DGKZ: variants seen among roughly 807,000 people sequenced by gnomAD.
The protein encoded by DGKZ is DAG kinase zeta.
Under a neutral mutation model 142.5 loss-of-function variants are expected in DGKZ, and 45 were observed. The ratio of observed to expected loss-of-function variants is 0.32; its 90% CI spans 0.25 to 0.40. The LOEUF (loss-of-function observed/expected upper bound fraction) is 0.40. Ranked by LOEUF, DGKZ falls within the 10% of genes least tolerant of loss-of-function variation. The probability of loss-of-function intolerance (pLI) is 1.00; values close to 1 mark genes in which losing one functional copy is unlikely to be tolerated. For synonymous variants in DGKZ, 442 were observed against 527.0 expected (o/e 0.84, Z 2.21); for missense variants, 755 against 1,306.5 (o/e 0.58, Z 6.51).
In DGKZ at chr11:46,374,251, C is replaced by A. The variant is rs762545435; in HGVS notation, c.1405+16C>A. ...GAGTCTCGAGGTTGGCAGCCTCCCA[C>A]TGAGGCCAGGGCAGGGTGGGCACAG... On this transcript the variant is annotated intron_variant, in intron 15 of 30. Coordinates refer to ENST00000527911, the Ensembl canonical transcript of DGKZ. 3.7e-6 allele frequency: 6 copies of A among 1,613,982 alleles called. No individual in the cohort carries two copies. The highest frequency in any genetic ancestry group is 5.1e-6 in the Non-Finnish European group (6 of 1,179,990).
At chr11:46,375,660 G>T in intron 20 of DGKZ, 29 bp downstream of exon 20, 1 of 1,535,104 alleles carries the variant, frequency 6.5e-7, no homozygotes, top group Non-Finnish European at 8.7e-7. Context: ...CGTGCCCTGG[G>T]TGCCAAGGCC....
exon 25 of DGKZ, chr11:46,377,141 G>A: frequency 6.2e-7 from 1 of 1,613,118 alleles, no homozygotes; most frequent in Non-Finnish European, 8.5e-7. Context: ...AGCTGCTGGG[G>A]GCATCGGCCC....
exon 31 of DGKZ, chr11:46,380,113 C>G: frequency 1.4e-6 from 1 of 700,056 alleles, no homozygotes; most frequent in African/African-American, 1.8e-5. Flanking sequence ...GGGCTGGACT[C>G]AGGAGCTGGG....
intron 1 of DGKZ, among the ~76,000 whole-genome samples, chr11:46,355,753 T>C (rs1476197266): frequency 6.6e-6 from 1 of 152,092 alleles, no homozygotes; most frequent in African/African-American, 2.4e-5. Context: ...ATTTTTTTTT[T>C]TTCTTTTTTT....
chr11:46,379,275 A>G, intron 29 of DGKZ, 39 bp downstream of exon 29: 1 of 1,612,188 alleles, frequency 6.2e-7, no homozygotes, highest in Non-Finnish European at 8.5e-7. Flanking sequence ...GTCACCCCGG[A>G]AACCACCCTT....
At chr11:46,366,855 G>A (rs1279450247) in intron 1 of DGKZ, 1 of 1,546,968 alleles carries the variant, frequency 6.5e-7, no homozygotes. Flanking sequence ...CCTGGCCCTG[G>A]GGGCCGAAGA....
chr11:46,370,031 C>T (rs1426132124), intron 6 of DGKZ, 22 bp downstream of exon 6: 3 of 1,613,342 alleles, frequency 1.9e-6, no homozygotes, highest in Non-Finnish European at 2.5e-6. Flanking sequence ...TGCCCGAGGA[C>T]ATCGCCACCT....
At chr11:46,360,279 TAGTA>T (rs1433875943) in intron 1 of DGKZ, among the ~76,000 whole-genome samples, 3 of 152,192 alleles carry the variant, frequency 2.0e-5, no homozygotes, top group Non-Finnish European at 1.5e-5. Flanking sequence ...TGTTTTAAGC[TAGTA>T]AGTATCTTAA....
intron 1 of DGKZ, among the ~76,000 whole-genome samples, chr11:46,359,269 C>T (rs1370955980): frequency 2.6e-5 from 4 of 151,842 alleles, no homozygotes; most frequent in South Asian, 2.1e-4. Flanking sequence ...GGTGAAACCC[C>T]GTCTCTACTA....
chr11:46,364,096 C>A (rs1942991097), intron 1 of DGKZ, among the ~76,000 whole-genome samples: 2 of 152,242 alleles, frequency 1.3e-5, no homozygotes, highest in African/African-American at 4.8e-5. Context: ...TATTCCCTAT[C>A]TGGTTCCCTT....
At chr11:46,369,760 T>C (rs1013447878) in intron 5 of DGKZ, 181 bp from the exon 6 acceptor site, 3 of 884,004 alleles carry the variant, frequency 3.4e-6, no homozygotes, top group Non-Finnish European at 5.3e-6. Context: ...CCCAGCCTTC[T>C]CTGTCCCTCT....
At position 46,372,496 on chromosome 11, in the gene DGKZ, A is replaced by G. The variant is rs764183178; in HGVS notation, c.996A>G (p.Gly332=). 1.7e-5 allele frequency: 28 copies of G among 1,613,810 alleles called. No individual in the cohort carries two copies. The highest frequency in any genetic ancestry group is 2.7e-5 in the African/African-American group (2 of 74,870). ...GACAAGTCTTCGACCTGAGCCAGGGAGGGCCCAAGGAGGCGTAAGTACTTG... is the reference window on the plus strand; with the variant it reads ...GACAAGTCTTCGACCTGAGCCAGGGGGGGCCCAAGGAGGCGTAAGTACTTG... The change falls in exon 11 of 31, where the codon GGA becomes GGG. Residue 332 remains glycine, a synonymous_variant. Coordinates refer to ENST00000527911, the Ensembl canonical transcript of DGKZ. This position sits in a 1 kb window ranked among gnomAD's most constrained non-coding sequence, Gnocchi z 5.9.
chr11:46,345,316 C>G, upstream of DGKZ: 1 of 1,382,668 alleles, frequency 7.2e-7, no homozygotes, highest in Non-Finnish European at 9.3e-7. The surrounding 1 kb of genome is among the most constrained non-coding windows in gnomAD (Gnocchi z 4.1). Context: ...GCCTGTGGTC[C>G]TCAGCTTGGG....
In DGKZ at chr11:46,366,951, C is replaced by T. The variant is rs1943378223; in HGVS notation, c.162-340C>T. On this transcript the variant is annotated intron_variant, in intron 1 of 30. Transcript: ENST00000527911. The stretch of plus-strand genomic sequence containing the variant: ...CGCCAGGTAGCCCTACGGCGCAAGG[C>T]GGCCGGACCCCAGGCCTGGAGCGCC... 1 of 1,537,422 alleles carries T rather than the reference C, an allele frequency of 6.5e-7. No individual in the cohort carries two copies. Among genetic ancestry groups the T allele is most frequent in the African/African-American group, 1.4e-5 (1 of 73,260 alleles).
At chr11:46,379,690 G>A in intron 30 of DGKZ, 122 bp downstream of exon 30, 2 of 1,277,362 alleles carry the variant, frequency 1.6e-6, no homozygotes, top group Non-Finnish European at 1.1e-6. Context: ...TGGGAAACCT[G>A]AGCCAGCAGG....
At chr11:46,352,775 G>A (rs1426684287) in intron 1 of DGKZ, among the ~76,000 whole-genome samples, 3 of 152,218 alleles carry the variant, frequency 2.0e-5, no homozygotes, top group Admixed American at 6.5e-5. Context: ...ACCCCTGAGC[G>A]GTGCCAGGCA....
upstream of DGKZ, among the ~76,000 whole-genome samples, chr11:46,344,997 G>A (rs1383872230): frequency 2.0e-5 from 3 of 152,218 alleles, no homozygotes; most frequent in Admixed American, 2.0e-4. Flanking sequence ...GCCCAGCCCT[G>A]TGTAAGATGG....
chr11:46,347,911 G>A lies in DGKZ; in HGVS notation c.161+91G>A. ...CATTCCTCGGCCACTGGGGGTCCGG[G>A]CCACTTCGGTACTGACACTGAGTCG... On this transcript the variant is annotated intron_variant, in intron 1 of 30. Coordinates refer to ENST00000527911, the Ensembl canonical transcript of DGKZ. The surrounding 1 kb of genome is among the most constrained non-coding windows in gnomAD (Gnocchi z 6.4). 3 of 1,260,736 alleles carry A rather than the reference G, an allele frequency of 2.4e-6. No homozygotes were observed. Among genetic ancestry groups the A allele is most frequent in the East Asian group, 3.2e-5 (1 of 31,318 alleles). The allele number at this position is 1,260,736 out of a possible 1,614,324, so 78.1% of individuals were successfully genotyped here.
chr11:46,374,722 C>T (rs1944348088), intron 17 of DGKZ, 44 bp from the exon 18 acceptor site: 1 of 1,611,546 alleles, frequency 6.2e-7, no homozygotes, highest in Non-Finnish European at 8.5e-7. Flanking sequence ...GAGGCGGAGG[C>T]CACCTGGCAC....
Sources: gnomAD v4.1 joint callset for allele counts (sites outside exome capture counted in the v4.1 genomes callset) on GRCh38, gnomAD v4.1.1 for gene constraint, Gnocchi (gnomAD v3.1) non-coding constraint, MANE v1.5 for transcripts, NCBI Gene and HGNC (gene_info 2026-07-23, HGNC 2026-07-21) for gene names.